SLC12A6: variants seen among roughly 807,000 people sequenced by gnomAD.
The protein encoded by SLC12A6 is solute carrier family 12 member 6.
Under a neutral mutation model 135.3 loss-of-function variants are expected in SLC12A6, and 66 were observed. The ratio of observed to expected loss-of-function variants is 0.49; its 90% CI spans 0.40 to 0.60. SLC12A6 has a LOEUF of 0.60. SLC12A6 is among the 20% of genes least tolerant of loss of function. The pLI is 0.00. For missense variants in SLC12A6, 1,058 were observed against 1,452.3 expected (o/e 0.73, Z 4.41); for synonymous variants, 513 against 508.8 (o/e 1.01, Z -0.11).
At chr15:34,325,234 C>T (rs1033076280) in intron 2 of SLC12A6, among the ~76,000 whole-genome samples, 1 of 152,204 alleles carries the variant, frequency 6.6e-6, no homozygotes, top group Non-Finnish European at 1.5e-5. Context: ...GATGTATACA[C>T]ATTTTCCTTA....
At chr15:34,333,982 A>C (rs980785840) in intron 2 of SLC12A6, among the ~76,000 whole-genome samples, 1 of 151,792 alleles carries the variant, frequency 6.6e-6, no homozygotes, top group African/African-American at 2.4e-5. Context: ...AGGCAAAAGA[A>C]TCACTGGAAC....
chr15:34,240,106 C>G (rs569817285), intron 19 of SLC12A6, among the ~76,000 whole-genome samples: 1 of 151,960 alleles, frequency 6.6e-6, no homozygotes, highest in South Asian at 2.1e-4. Context: ...CCCCTCCCCC[C>G]ACAGTAAAAC....
rs1381857543 is a variant in SLC12A6 at position 34,239,114 on chromosome 15, T to C, written c.2483A>G (p.Gln828Arg). ...MEAEKVKGFC[Q>R]LVVAAKLREG... The stretch of plus-strand genomic sequence containing the variant: ...TCTCAGCTTGGCGGCCACCACCAGC[T>C]GGCAGAATCCTTTTACCTTCTCTGC... The change falls in exon 20 of 26, where the codon CAG (glutamine) becomes CGG (arginine). Residue 828 changes from glutamine (Q) to arginine (R), a missense_variant. Transcript: ENST00000354181. The C allele has an allele frequency of 8.7e-6, 14 of 1,614,180 alleles. No individual in the cohort carries two copies. The highest frequency in any genetic ancestry group is 1.2e-5 in the Non-Finnish European group (14 of 1,179,998).
At chr15:34,251,579 A>G (rs915274666) in intron 10 of SLC12A6, among the ~76,000 whole-genome samples, 5 of 152,208 alleles carry the variant, frequency 3.3e-5, no homozygotes, top group African/African-American at 7.2e-5. Context: ...TAATTTAAAT[A>G]TAATTTGACA....
chr15:34,277,893 C>A (rs971547291), intron 2 of SLC12A6, among the ~76,000 whole-genome samples: 1 of 152,156 alleles, frequency 6.6e-6, no homozygotes, highest in Non-Finnish European at 1.5e-5. Flanking sequence ...AAAGACACAT[C>A]ATACTACTGC....
chr15:34,255,226 T>G lies in SLC12A6; in HGVS notation c.876+36A>C, dbSNP rs748333422. The G allele has an allele frequency of 2.0e-6, 3 of 1,474,630 alleles. No homozygotes were observed. In the South Asian group the frequency reaches 3.4e-5, roughly 17 times the overall value. 91.3% of individuals were successfully genotyped at this position (1,474,630 alleles called of 1,614,324 possible). Reference sequence around the variant, plus strand: ...AAGAATAAACCTAAATCAATATTTCTTCTATATTATAGACCACAATGAAGT... The same window carrying G: ...AAGAATAAACCTAAATCAATATTTCGTCTATATTATAGACCACAATGAAGT... On this transcript the variant is annotated intron_variant, in intron 8 of 25. Transcript: ENST00000354181.
intron 2 of SLC12A6, among the ~76,000 whole-genome samples, chr15:34,281,402 C>G (rs1245546043): frequency 6.6e-6 from 1 of 152,142 alleles, no homozygotes; most frequent in Non-Finnish European, 1.5e-5. Context: ...AAGTCAAAAT[C>G]TGAAAAGCCC....
intron 2 of SLC12A6, among the ~76,000 whole-genome samples, chr15:34,298,884 C>T (rs1896058530): frequency 6.6e-6 from 1 of 152,180 alleles, no homozygotes; most frequent in Non-Finnish European, 1.5e-5. Flanking sequence ...GCCACCAATT[C>T]TCCCATCTTC....
chr15:34,319,173 T>C (rs1209394251), intron 2 of SLC12A6, among the ~76,000 whole-genome samples: 1 of 151,036 alleles, frequency 6.6e-6, no homozygotes, highest in East Asian at 1.9e-4. Context: ...GCTCGCCCTG[T>C]TGTCCAGCCT....
intron 3 of SLC12A6, among the ~76,000 whole-genome samples, chr15:34,273,583 G>A (rs10152351): frequency 0.027 from 4,170 of 151,970 alleles, 193 homozygotes; most frequent in African/African-American, 0.095. Flanking sequence ...TAGAAAGAAC[G>A]AAAAAGGAGT....
At chr15:34,244,555 T>A (rs1438055523) in intron 15 of SLC12A6, among the ~76,000 whole-genome samples, 2 of 152,200 alleles carry the variant, frequency 1.3e-5, no homozygotes, top group Non-Finnish European at 2.9e-5. Context: ...AGGTAAAAGT[T>A]CCAGGACCTT....
In SLC12A6 at chr15:34,233,561, G is replaced by T; in HGVS notation, c.*320C>A. 3.3e-6 allele frequency: 1 copy of T among 305,172 alleles called. No homozygotes were observed. The highest frequency in any genetic ancestry group is 6.4e-6 in the Non-Finnish European group (1 of 157,054). 18.9% of individuals were successfully genotyped at this position (305,172 alleles called of 1,614,324 possible). The stretch of plus-strand genomic sequence containing the variant: ...CTTGACTTGCTTTTTTTCTTCAGTT[G>T]AATTTCTAGCATCCCTTTTACCAAT... On this transcript the variant is annotated 3_prime_UTR_variant, in exon 26 of 26. Coordinates refer to ENST00000354181, the MANE Select transcript of SLC12A6 (RefSeq NM_001365088.1).
Position 34,252,651 on chromosome 15 carries a change from A to T in SLC12A6, c.1119-267T>A, listed in dbSNP as rs60165224. Among the ~76,000 whole-genome samples, 25,248 of 152,166 alleles carry T rather than the reference A, an allele frequency of 0.17. 2,168 individuals are homozygous for T. The highest frequency in any genetic ancestry group is 0.28 in the East Asian group (1,472 of 5,174). On this transcript the variant is annotated intron_variant, in intron 9 of 25. Transcript: ENST00000354181. ...GATGGAGGCACTGAAGTTTAGGAAG[A>T]CAGGGAGTTAATTGAAGGTTAGGGA...
intron 2 of SLC12A6, among the ~76,000 whole-genome samples, chr15:34,298,995 C>T (rs1419798034): frequency 6.6e-6 from 1 of 152,186 alleles, no homozygotes; most frequent in Non-Finnish European, 1.5e-5. Flanking sequence ...TGAAAGCTTT[C>T]CAAGTGACAC....
chr15:34,297,862 TTTAGG>T (rs1379990184), intron 2 of SLC12A6, among the ~76,000 whole-genome samples: 1 of 152,088 alleles, frequency 6.6e-6, no homozygotes, highest in Non-Finnish European at 1.5e-5. Flanking sequence ...AAAGCAGTAT[TTTAGG>T]CAAGGAAACA....
rs1460628288 is a variant in SLC12A6, at chr15:34,231,259, G to C, written c.*2622C>G. 4 of 152,360 alleles carry C rather than the reference G, an allele frequency of 2.6e-5. No individual in the cohort carries two copies. Among genetic ancestry groups the C allele is most frequent in the Admixed American group, 2.6e-4 (4 of 15,276 alleles). The allele number at this position is 152,360 out of a possible 1,614,324, so 9.4% of individuals were successfully genotyped here. On this transcript the variant is annotated 3_prime_UTR_variant, in exon 26 of 26. Coordinates refer to ENST00000354181, the MANE Select transcript of SLC12A6 (RefSeq NM_001365088.1). ...TGCTTGTAATTCCAGCTACTCGGGA[G>C]GCTGAGGCAGGAGAATCGCTTGAAC... is the stretch of plus-strand genomic sequence containing the variant.
At chr15:34,306,051 G>A (rs148850899) in intron 2 of SLC12A6, among the ~76,000 whole-genome samples, 4,150 of 151,430 alleles carry the variant, frequency 0.027, 188 homozygotes, top group African/African-American at 0.096. Context: ...GTGAGCCACC[G>A]TGCCCAGCCT....
chr15:34,330,444 G>T (rs963049862), intron 2 of SLC12A6, among the ~76,000 whole-genome samples: 8 of 152,074 alleles, frequency 5.3e-5, no homozygotes, highest in African/African-American at 7.2e-5. Flanking sequence ...AGGCTGAGGT[G>T]GGCTAACTGC....
rs1890944281 is a variant in SLC12A6, at chr15:34,231,599, T to C, written c.*2282A>G. On this transcript the variant is annotated 3_prime_UTR_variant, in exon 26 of 26. Transcript: ENST00000354181. ...CAATTTCTTTCTTTCTTTCTTTTTT[T>C]TTTTTTTTGAGATGGAGTCTCCCTC... 1 of 151,170 alleles carries C rather than the reference T, an allele frequency of 6.6e-6. No homozygotes were observed. Among genetic ancestry groups the C allele is most frequent in the South Asian group, 2.1e-4 (1 of 4,788 alleles). The allele number at this position is 151,170 out of a possible 1,614,324, so 9.4% of individuals were successfully genotyped here.
Sources: gnomAD v4.1 joint callset for allele counts (sites outside exome capture counted in the v4.1 genomes callset) on GRCh38, gnomAD v4.1.1 for gene constraint, MANE v1.5 for transcripts, NCBI Gene and HGNC (gene_info 2026-07-23, HGNC 2026-07-21) for gene names.